PRUNE2: variants seen among roughly 807,000 people sequenced by gnomAD.
PRUNE2 encodes protein prune homolog 2.
A neutral mutation model predicts 252.0 loss-of-function variants in PRUNE2; 164 were observed. That is an observed-to-expected ratio of 0.65 (90% CI 0.57 to 0.74). The LOEUF is 0.74. PRUNE2 is among the 30% of genes least tolerant of loss of function. The probability of loss-of-function intolerance (pLI) is 0.00; values close to 1 mark genes in which losing one functional copy is unlikely to be tolerated. For missense variants in PRUNE2, 3,495 were observed against 3,711.0 expected, an observed-to-expected ratio of 0.94 and a Z score of 1.51; for synonymous variants, 1,292 against 1,350.2, an observed-to-expected ratio of 0.96 and a Z score of 0.94.
intron 6 of PRUNE2, chr9:76,733,579 AT>A (rs981066592): frequency 6.8e-6 from 1 of 146,206 alleles, no homozygotes; most frequent in Non-Finnish European, 1.5e-5. Flanking sequence ...TTTTTTTTTT[AT>A]TTTTTGTAGA....
At position 76,709,832 on chromosome 9, in the gene PRUNE2, A is replaced by AT; in HGVS notation, c.2441dup (p.Asn814LysfsTer16). 1.9e-6 allele frequency: 3 copies of AT among 1,613,834 alleles called. No homozygotes were observed. Among genetic ancestry groups the AT allele is most frequent in the Admixed American group, 1.7e-5 (1 of 60,002 alleles). ...TGCTTGTTGGGTGCAAATTCCAGGT[A>AT]TTTTTTAAAGCTTCATCATGATCTT... On this transcript the variant is annotated frameshift_variant, in exon 8 of 19. Coordinates refer to ENST00000376718, the MANE Select transcript of PRUNE2 (RefSeq NM_015225.3). LOFTEE classifies it high-confidence loss of function.
chr9:76,767,759 T>C (rs2052578054), intron 6 of PRUNE2, among the ~76,000 whole-genome samples: 1 of 152,132 alleles, frequency 6.6e-6, no homozygotes, highest in Non-Finnish European at 1.5e-5. Flanking sequence ...CCAGCACAAG[T>C]CTATCCAGGG....
intron 9 of PRUNE2, among the ~76,000 whole-genome samples, chr9:76,678,010 C>T (rs1242356312): frequency 6.6e-6 from 1 of 152,298 alleles, no homozygotes; most frequent in East Asian, 1.9e-4. Context: ...CCCAGAGAAC[C>T]AGCTCCACAG....
chr9:76,630,510 T>C (rs546560490), intron 15 of PRUNE2, among the ~76,000 whole-genome samples: 1 of 152,326 alleles, frequency 6.6e-6, no homozygotes, highest in African/African-American at 2.4e-5. Context: ...GTCTTATGCA[T>C]TTCTGAAGAA....
Position 76,707,066 on chromosome 9 carries a change from A to G in PRUNE2, c.5208T>C (p.Asn1736=), listed in dbSNP as rs1285104353. ...CTGAGCTGTCTAGGTAGTCATAAAT[A>G]TTTTCAGACTTAGGATCAGCTGTGA... The part of the protein sequence containing the change: ...FLVTADPKSE[N]IYDYLDSSEP... Residue 1736 remains asparagine, a synonymous_variant, in exon 8 of 19, where the codon AAT becomes AAC. Coordinates refer to ENST00000376718, the MANE Select transcript of PRUNE2 (RefSeq NM_015225.3). The G allele has an allele frequency of 6.2e-7, 1 of 1,613,816 alleles. No individual in the cohort carries two copies. The highest frequency in any genetic ancestry group is 2.2e-5 in the East Asian group (1 of 44,876).
intron 6 of PRUNE2, among the ~76,000 whole-genome samples, chr9:76,731,177 T>A (rs1174636944): frequency 6.6e-6 from 1 of 151,912 alleles, no homozygotes; most frequent in Non-Finnish European, 1.5e-5. Flanking sequence ...AAGATATATA[T>A]ACTTGCTGCT....
intron 6 of PRUNE2, among the ~76,000 whole-genome samples, chr9:76,776,295 C>T (rs1448196072): frequency 6.6e-6 from 1 of 152,100 alleles, no homozygotes; most frequent in Non-Finnish European, 1.5e-5. Flanking sequence ...CTCCCGCCTT[C>T]CCACCTTTTG....
chr9:76,764,182 T>A (rs949539744), intron 6 of PRUNE2, among the ~76,000 whole-genome samples: 1 of 152,184 alleles, frequency 6.6e-6, no homozygotes, highest in Non-Finnish European at 1.5e-5. Flanking sequence ...AAGACAGACA[T>A]GTCACTGCTC....
At position 76,644,907 on chromosome 9, in the gene PRUNE2, G is replaced by T. The variant is rs760611688; in HGVS notation, c.8560C>A (p.Pro2854Thr). ...TGGCCAGAATCTTTGTTGGCTGTGGGATCTTCTGGAAACAAAGCACAGAGC... is the reference window on the plus strand; with the variant it reads ...TGGCCAGAATCTTTGTTGGCTGTGGTATCTTCTGGAAACAAAGCACAGAGC... ...ADSFEYTGHD[P>T]TANKDSGQES... Residue 2854 changes from proline (P) to threonine (T), a missense_variant and splice_region_variant, in exon 12 of 19, where the codon CCC becomes ACC. Pro to Thr is a conservative substitution (Grantham distance 38). Coordinates refer to ENST00000376718, the MANE Select transcript of PRUNE2 (RefSeq NM_015225.3). 1 of 1,612,922 alleles carries T rather than the reference G, an allele frequency of 6.2e-7. No individual in the cohort carries two copies.
At chr9:76,766,690 C>T (rs2052431403) in intron 6 of PRUNE2, among the ~76,000 whole-genome samples, 1 of 152,132 alleles carries the variant, frequency 6.6e-6, no homozygotes, top group Admixed American at 6.5e-5. Flanking sequence ...CTTCTTCAAA[C>T]ATGTCAATTT....
chr9:76,905,275 G>T (rs2063417727), intron 1 of PRUNE2, among the ~76,000 whole-genome samples: 1 of 152,192 alleles, frequency 6.6e-6, no homozygotes, highest in African/African-American at 2.4e-5. Context: ...GTAAACATGG[G>T]CTAACACACA....
At chr9:76,636,383 G>A (rs1840075585) in intron 15 of PRUNE2, 88 bp downstream of exon 15, 2 of 754,056 alleles carry the variant, frequency 2.7e-6, no homozygotes, top group African/African-American at 3.6e-5. Context: ...GGTACTCTTA[G>A]TTTATGAATT....
rs1021700156 is a variant in PRUNE2 at position 76,645,643 on chromosome 9, T to TA, written c.8558-735dup. Among the ~76,000 whole-genome samples the TA allele has an allele frequency of 3.8e-3, 561 of 146,026 alleles. 4 individuals carry two copies. The highest frequency in any genetic ancestry group is 0.013 in the African/African-American group (515 of 40,062). On this transcript the variant is annotated intron_variant, in intron 11 of 18. Coordinates refer to ENST00000376718, the MANE Select transcript of PRUNE2 (RefSeq NM_015225.3). ...GGGAAGAAATTTACTCTTGTGCATT[T>TA]AAAAAAAAAAAGTAACCATTTTTAT...
chr9:76,816,173 A>G (rs2057682756), intron 6 of PRUNE2, among the ~76,000 whole-genome samples: 1 of 151,858 alleles, frequency 6.6e-6, no homozygotes, highest in Non-Finnish European at 1.5e-5. Context: ...CAAAAAAAAA[A>G]AAAAAAAGAA....
chr9:76,893,327 T>C (rs1677501328), intron 1 of PRUNE2, among the ~76,000 whole-genome samples: 1 of 152,192 alleles, frequency 6.6e-6, no homozygotes, highest in African/African-American at 2.4e-5. Context: ...ATTCTATAAT[T>C]GTTAAAATAA....
At chr9:76,810,195 C>T (rs1250044636) in intron 6 of PRUNE2, among the ~76,000 whole-genome samples, 1 of 152,216 alleles carries the variant, frequency 6.6e-6, no homozygotes, top group African/African-American at 2.4e-5. Flanking sequence ...AACATAGACA[C>T]AAATCTTCAC....
In PRUNE2 at chr9:76,832,528, T is replaced by G. The variant is rs897758149; in HGVS notation, c.509-5796A>C. Among the ~76,000 whole-genome samples the G allele has an allele frequency of 5.3e-5, 8 of 152,142 alleles. No individual in the cohort carries two copies. The East Asian group carries it at 1.3e-3, about 26-fold the overall frequency. ...TGTAAATCAGAATATATAATACTTT[T>G]AACTAAATGAGAATGAAAATATGAC... On this transcript the variant is annotated intron_variant, in intron 4 of 18. Coordinates refer to ENST00000376718, the MANE Select transcript of PRUNE2 (RefSeq NM_015225.3).
chr9:76,719,182 C>T (rs2047411993), intron 6 of PRUNE2, among the ~76,000 whole-genome samples: 1 of 152,062 alleles, frequency 6.6e-6, no homozygotes, highest in Non-Finnish European at 1.5e-5. Flanking sequence ...AATAATGACA[C>T]TCTCCTGCTT....
chr9:76,873,707 G>C (rs1365888657), intron 1 of PRUNE2, among the ~76,000 whole-genome samples: 2 of 152,212 alleles, frequency 1.3e-5, no homozygotes, highest in African/African-American at 4.8e-5. Flanking sequence ...CATGATGAAA[G>C]CTTTTGTGAA....
Sources: allele counts gnomAD v4.1 joint callset (sites outside exome capture counted in the v4.1 genomes callset), GRCh38; gene constraint gnomAD v4.1.1; transcripts MANE v1.5; gene names NCBI Gene and HGNC (gene_info 2026-07-23, HGNC 2026-07-21).